HPSE2: variants seen among roughly 807,000 people sequenced by gnomAD.
HPSE2 encodes the protein heparanase 2 (inactive), also known as inactive heparanase-2.
In HPSE2, 38 loss-of-function variants were observed where a neutral mutation model predicts 60.5. The observed-to-expected ratio is 0.63, with a 90% CI of 0.48 to 0.82. The LOEUF (loss-of-function observed/expected upper bound fraction) is 0.82. HPSE2 is among the 40% of genes least tolerant of loss of function. HPSE2 has a pLI of 0.00. For missense variants in HPSE2, 713 were observed against 740.4 expected (o/e 0.96, Z 0.43); for synonymous variants, 295 against 293.2 (o/e 1.01, Z -0.06).
At chr10:98,995,966 T>G (rs1294345494) in intron 3 of HPSE2, among the ~76,000 whole-genome samples, 5 of 152,086 alleles carry the variant, frequency 3.3e-5, no homozygotes, top group Non-Finnish European at 7.4e-5. Flanking sequence ...AAAAAAGACA[T>G]TGGTAAAAAC....
intron 2 of HPSE2, among the ~76,000 whole-genome samples, chr10:99,194,374 G>A (rs987940404): frequency 2.0e-5 from 3 of 151,100 alleles, no homozygotes; most frequent in Non-Finnish European, 4.4e-5. Context: ...AACTGTAAAA[G>A]CAAAAGCAAA....
chr10:99,128,431 A>G (rs1845248354), intron 3 of HPSE2, among the ~76,000 whole-genome samples: 1 of 152,200 alleles, frequency 6.6e-6, no homozygotes, highest in African/African-American at 2.4e-5. Context: ...ATCAACCAAA[A>G]TACCCATCAA....
chr10:99,056,734 A>T (rs1469860253), intron 3 of HPSE2, among the ~76,000 whole-genome samples: 1 of 152,162 alleles, frequency 6.6e-6, no homozygotes, highest in African/African-American at 2.4e-5. Flanking sequence ...AGTAGACAAC[A>T]ATTTCTTAAA....
chr10:98,820,571 G>A (rs1565187646), intron 3 of HPSE2, among the ~76,000 whole-genome samples: 1 of 152,200 alleles, frequency 6.6e-6, no homozygotes, highest in South Asian at 2.1e-4. Context: ...GAGAATGCCT[G>A]TATGGCCTTC....
At chr10:98,651,776 T>C (rs1428027777) in intron 6 of HPSE2, among the ~76,000 whole-genome samples, 1 of 151,504 alleles carries the variant, frequency 6.6e-6, no homozygotes, top group African/African-American at 2.4e-5. Context: ...CTAGTTCCTT[T>C]TTTTTTTTTT....
the HPSE2 span, among the ~76,000 whole-genome samples, chr10:99,277,975 T>C: frequency 1.3e-5 from 2 of 151,572 alleles, no homozygotes; most frequent in African/African-American, 4.8e-5. Context: ...TGCGCACCTG[T>C]AATCCCAGCT....
chr10:98,909,623 C>T (rs1365793125), intron 3 of HPSE2, among the ~76,000 whole-genome samples: 6 of 146,352 alleles, frequency 4.1e-5, no homozygotes, highest in Non-Finnish European at 7.4e-5. Context: ...AGTGAGGCTC[C>T]GTCTCAAAAT....
chr10:98,685,283 A>G (rs2615202), intron 6 of HPSE2, among the ~76,000 whole-genome samples: 21,233 of 152,158 alleles, frequency 0.14, 1,943 homozygotes, highest in Admixed American at 0.23. Flanking sequence ...GCAATTTTAC[A>G]TATGATGAGA....
rs551141103 is a variant in HPSE2, at chr10:98,554,332, A to C, written c.1320+60572T>G. On this transcript the variant is annotated intron_variant, in intron 9 of 11. Coordinates refer to ENST00000370552, the MANE Select transcript of HPSE2 (RefSeq NM_021828.5). ...CTCTTTCCTCCTTTTTGGCCACTGA[A>C]ATCCTATTCATTTACTCAAATCTGA... 2.0e-4 allele frequency among the ~76,000 whole-genome samples: 30 copies of C among 152,266 alleles called. No individual in the cohort carries two copies. The South Asian group carries it at 6.2e-3, about 32-fold the overall frequency.
At chr10:98,561,211 C>T (rs1015977761) in intron 9 of HPSE2, among the ~76,000 whole-genome samples, 2 of 149,856 alleles carry the variant, frequency 1.3e-5, no homozygotes, top group Admixed American at 1.3e-4. Context: ...CTGTCACCCA[C>T]ACTGGAGTGC....
At chr10:99,176,217 C>T (rs1019119443) in intron 2 of HPSE2, among the ~76,000 whole-genome samples, 2 of 152,110 alleles carry the variant, frequency 1.3e-5, no homozygotes, top group African/African-American at 4.8e-5. Context: ...CTCTTGCCCT[C>T]CAAAGCATCA....
chr10:98,959,832 T>A (rs557696382), intron 3 of HPSE2, among the ~76,000 whole-genome samples: 4 of 152,266 alleles, frequency 2.6e-5, no homozygotes, highest in African/African-American at 9.6e-5. Context: ...AGACCCAAGA[T>A]GAATTCTAGG....
chr10:98,747,669 C>T (rs1408651706), intron 3 of HPSE2, among the ~76,000 whole-genome samples: 1 of 152,118 alleles, frequency 6.6e-6, no homozygotes, highest in African/African-American at 2.4e-5. Context: ...CTGAACACAC[C>T]AACCTCCCGA....
At chr10:98,554,301 G>A (rs1209469735) in intron 9 of HPSE2, among the ~76,000 whole-genome samples, 2 of 152,108 alleles carry the variant, frequency 1.3e-5, no homozygotes, top group South Asian at 4.1e-4. Flanking sequence ...GCCTAAGCCC[G>A]GAATTCTCTT....
At chr10:98,670,178 T>G (rs1947469948) in intron 6 of HPSE2, among the ~76,000 whole-genome samples, 1 of 152,180 alleles carries the variant, frequency 6.6e-6, no homozygotes, top group African/African-American at 2.4e-5. Flanking sequence ...GGCAGCCAGT[T>G]AAGTAGGGCC....
chr10:99,232,214 TACACACACAC>T lies in HPSE2; in HGVS notation c.448+124_448+133del, dbSNP rs59437000. 2,221 of 897,636 alleles carry T rather than the reference TACACACACAC, an allele frequency of 2.5e-3. 21 individuals carry two copies. Among genetic ancestry groups the T allele is most frequent in the African/African-American group, 0.016 (877 of 54,998 alleles). The allele number at this position is 897,636 out of a possible 1,614,324, so 55.6% of individuals were successfully genotyped here. ...ATCTGCCCCAACGCGCGCGCGCGCA[TACACACACAC>T]ACACACACACACACACACACACACA... On this transcript the variant is annotated intron_variant, in intron 2 of 11. Transcript: ENST00000370552.
intron 3 of HPSE2, among the ~76,000 whole-genome samples, chr10:98,969,648 C>T (rs1955900498): frequency 6.6e-6 from 1 of 152,202 alleles, no homozygotes; most frequent in Non-Finnish European, 1.5e-5. Flanking sequence ...CATGCTATGA[C>T]ATTAGTCCAG....
chr10:98,827,151 TA>T (rs1331240173), intron 3 of HPSE2, among the ~76,000 whole-genome samples: 7,324 of 71,062 alleles, frequency 0.1, 554 homozygotes, highest in African/African-American at 0.27. Context: ...ACCCTGTCTC[TA>T]AAAAAAAATT....
chr10:99,083,156 G>A (rs531096532), intron 3 of HPSE2, among the ~76,000 whole-genome samples: 1 of 152,294 alleles, frequency 6.6e-6, no homozygotes, highest in African/African-American at 2.4e-5. Context: ...AGCATGTAAA[G>A]GGATATTACA....
Sources: allele counts gnomAD v4.1 joint callset (sites outside exome capture counted in the v4.1 genomes callset), GRCh38; gene constraint gnomAD v4.1.1; transcripts MANE v1.5; gene names NCBI Gene and HGNC (gene_info 2026-07-23, HGNC 2026-07-21).